Variants in TP63 observed in about 807,000 individuals in gnomAD.
TP63 encodes the protein tumor protein p63, also known as tumor protein 63.
In TP63, 17 loss-of-function variants were observed where a neutral mutation model predicts 82.8. That is an observed-to-expected ratio of 0.21 (90% CI 0.14 to 0.31). The LOEUF is 0.31. Among genes scored for constraint, TP63 ranks in the 10% least tolerant of loss-of-function variants. TP63 has a pLI of 1.00. For synonymous variants in TP63, 330 were observed against 321.7 expected (o/e 1.03, Z -0.28); for missense variants, 648 against 895.3 (o/e 0.72, Z 3.52).
chr3:189,738,816 A>G (rs372109501), intron 3 of TP63, 42 bp downstream of exon 3: 14 of 1,610,712 alleles, frequency 8.7e-6, no homozygotes, highest in African/African-American at 6.7e-5. Flanking sequence ...GGGCCATGCT[A>G]TCTATAGCTC....
At chr3:189,861,804 G>A (rs375054924) in intron 4 of TP63, among the ~76,000 whole-genome samples, 1 of 152,196 alleles carries the variant, frequency 6.6e-6, no homozygotes, top group Non-Finnish European at 1.5e-5. Context: ...TAAGAGAACA[G>A]AGACATAAGA....
the TP63 span, among the ~76,000 whole-genome samples, chr3:189,613,737 T>C: frequency 6.6e-6 from 1 of 152,156 alleles, no homozygotes; most frequent in South Asian, 2.1e-4. Flanking sequence ...CCCAAGACCA[T>C]GGGAACCTAC....
intron 11 of TP63, among the ~76,000 whole-genome samples, chr3:189,887,222 A>G (rs964373212): frequency 2.6e-5 from 4 of 152,062 alleles, no homozygotes; most frequent in African/African-American, 9.7e-5. Context: ...AAAAAAAAAA[A>G]AAATCTAGAA....
At chr3:189,661,248 T>A (rs1284021949) in intron 1 of TP63, among the ~76,000 whole-genome samples, 1 of 152,016 alleles carries the variant, frequency 6.6e-6, no homozygotes, top group Non-Finnish European at 1.5e-5. Context: ...TATATTCCTT[T>A]GATGCCTAGT....
At chr3:189,891,053 C>G (rs1720966814) in intron 13 of TP63, among the ~76,000 whole-genome samples, 171 bp downstream of exon 13, 1 of 152,190 alleles carries the variant, frequency 6.6e-6, no homozygotes, top group African/African-American at 2.4e-5. Flanking sequence ...AGGCCTCAAC[C>G]TATACATATT....
intron 4 of TP63, among the ~76,000 whole-genome samples, chr3:189,841,622 C>T (rs191995578): frequency 2.0e-5 from 3 of 152,288 alleles, no homozygotes; most frequent in East Asian, 3.9e-4. Context: ...GGTATTATAT[C>T]GCCAAGGATA....
chr3:189,750,391 T>A, intron 3 of TP63, among the ~76,000 whole-genome samples: 1 of 152,184 alleles, frequency 6.6e-6, no homozygotes, highest in Admixed American at 6.6e-5. Flanking sequence ...AACGTATAAG[T>A]TCTAATGTTG....
chr3:189,836,008 CTTCCTAT>C (rs1713103920), intron 4 of TP63, among the ~76,000 whole-genome samples: 1 of 151,544 alleles, frequency 6.6e-6, no homozygotes, highest in African/African-American at 2.4e-5. Context: ...ACGCGTCAGA[CTTCCTAT>C]CAATGGGTCT....
intron 3 of TP63, among the ~76,000 whole-genome samples, chr3:189,783,083 G>A (rs865800054): frequency 2.6e-5 from 4 of 151,668 alleles, no homozygotes; most frequent in East Asian, 1.9e-4. Context: ...TGATTATAGC[G>A]GTAAAGAAAA....
intron 10 of TP63, among the ~76,000 whole-genome samples, chr3:189,877,882 T>G (rs898087816): frequency 1.3e-5 from 2 of 152,282 alleles, no homozygotes; most frequent in Middle Eastern, 3.4e-3. Flanking sequence ...TCTGTCTCTT[T>G]TTTGTAGGAT....
intron 5 of TP63, among the ~76,000 whole-genome samples, chr3:189,864,900 G>A (rs183892238): frequency 2.1e-4 from 32 of 152,104 alleles, no homozygotes; most frequent in African/African-American, 7.0e-4. Flanking sequence ...CCAGCTACTC[G>A]GGAGGCTGAG....
At chr3:189,743,441 T>TTTTAGATATTCCACAAAATATCTAAA (rs1721143976) in intron 3 of TP63, among the ~76,000 whole-genome samples, 1 of 152,140 alleles carries the variant, frequency 6.6e-6, no homozygotes, top group Non-Finnish European at 1.5e-5. Flanking sequence ...CTTTGGCCTG[T>TTTTAGATATTCCACAAAATATCTAAA]AAGTTCCAGT....
chr3:189,823,564 C>A (rs1729019934), intron 4 of TP63, among the ~76,000 whole-genome samples: 1 of 152,008 alleles, frequency 6.6e-6, no homozygotes, highest in Admixed American at 6.6e-5. Flanking sequence ...AGTCACTACT[C>A]CAAAGGGCTA....
chr3:189,631,009 C>T (rs1415647021), upstream of TP63, among the ~76,000 whole-genome samples: 2 of 152,126 alleles, frequency 1.3e-5, no homozygotes, highest in African/African-American at 4.8e-5. Context: ...CACAGAAATC[C>T]TCAAATCAAA....
chr3:189,839,979 A>G (rs1025386352), intron 4 of TP63, among the ~76,000 whole-genome samples: 10 of 152,188 alleles, frequency 6.6e-5, no homozygotes, highest in Admixed American at 1.3e-4. Context: ...AGGAGTTTCA[A>G]TTTACTTAAC....
rs144951412 is a variant in TP63, at chr3:189,796,450, C to T, written c.325-11822C>T. ...GGCCATGGTGGGAGGAAGGAGTGAA[C>T]CAGTGACTTGATTTAAAGCCAAAGG... On this transcript the variant is annotated intron_variant, in intron 3 of 13. Transcript: ENST00000264731. Among the ~76,000 whole-genome samples, 323 of 151,958 alleles carry T rather than the reference C, an allele frequency of 2.1e-3. 1 individual carries two copies. Among genetic ancestry groups the T allele is most frequent in the Middle Eastern group, 0.01 (3 of 292 alleles).
the TP63 span, among the ~76,000 whole-genome samples, chr3:189,619,669 G>A: frequency 3.3e-5 from 5 of 152,096 alleles, no homozygotes; most frequent in African/African-American, 1.2e-4. Context: ...ATAAAGCTCT[G>A]CTATCCTTGT....
Position 189,802,716 on chromosome 3 carries a change from G to C in TP63, c.325-5556G>C, listed in dbSNP as rs7635908. On this transcript the variant is annotated intron_variant, in intron 3 of 13. Transcript: ENST00000264731. ...ACTAGGATCCATACAGGAGTGTAAGGAGTACTGAAGCGTGTTCAATCCCCT... is the reference window on the plus strand; with the variant it reads ...ACTAGGATCCATACAGGAGTGTAAGCAGTACTGAAGCGTGTTCAATCCCCT... Among the ~76,000 whole-genome samples the C allele has an allele frequency of 9.2e-3, 1,401 of 152,260 alleles. 23 individuals carry two copies. Among genetic ancestry groups the C allele is most frequent in the African/African-American group, 0.032 (1,335 of 41,548 alleles).
intron 3 of TP63, among the ~76,000 whole-genome samples, chr3:189,747,008 G>T (rs1458918525): frequency 6.7e-6 from 1 of 150,350 alleles, no homozygotes; most frequent in African/African-American, 2.4e-5. Flanking sequence ...AAGAAACAAA[G>T]GTCATTATGT....
Sources: gnomAD v4.1 joint callset for allele counts (sites outside exome capture counted in the v4.1 genomes callset) on GRCh38, gnomAD v4.1.1 for gene constraint, MANE v1.5 for transcripts, NCBI Gene and HGNC (gene_info 2026-07-23, HGNC 2026-07-21) for gene names.